The following XYLT1 variants were observed in gnomAD, a reference collection of about 807,000 sequenced individuals.
XYLT1 encodes xylosyltransferase 1.
A neutral mutation model predicts 91.3 loss-of-function variants in XYLT1; 36 were observed. The observed-to-expected ratio is 0.39, with a 90% CI of 0.30 to 0.52. XYLT1 has a LOEUF of 0.52. XYLT1 is among the 20% of genes least tolerant of loss of function. The pLI, the probability that XYLT1 is intolerant of heterozygous loss-of-function variation, is 0.68. For synonymous variants in XYLT1, 588 were observed against 532.0 expected, an observed-to-expected ratio of 1.11 and a Z score of -1.45; for missense variants, 1,242 against 1,284.5, an observed-to-expected ratio of 0.97 and a Z score of 0.51.
intron 2 of XYLT1, among the ~76,000 whole-genome samples, chr16:17,322,143 C>T (rs1213411468): frequency 2.6e-5 from 4 of 152,162 alleles, no homozygotes; most frequent in Admixed American, 6.5e-5. Context: ...ACTGTGTTTT[C>T]GCTTCATGCA....
chr16:17,203,437 CATTT>C (rs1347536313), intron 3 of XYLT1, among the ~76,000 whole-genome samples: 1 of 152,016 alleles, frequency 6.6e-6, no homozygotes, highest in African/African-American at 2.4e-5. Flanking sequence ...CCCATTTATC[CATTT>C]ATTTGTCCAT....
chr16:17,114,349 G>A (rs1200150299), intron 11 of XYLT1, among the ~76,000 whole-genome samples: 5 of 152,184 alleles, frequency 3.3e-5, no homozygotes, highest in South Asian at 4.1e-4. Flanking sequence ...TGTGATTAGC[G>A]GGCAGAAGGG....
intron 8 of XYLT1, among the ~76,000 whole-genome samples, chr16:17,134,951 A>T (rs1226364089): frequency 3.6e-5 from 5 of 139,726 alleles, no homozygotes; most frequent in Non-Finnish European, 8.2e-5. Context: ...AAGCAATGAT[A>T]GGCACTTAGT....
At chr16:17,357,768 C>T (rs931461954) in intron 2 of XYLT1, among the ~76,000 whole-genome samples, 2 of 152,336 alleles carry the variant, frequency 1.3e-5, no homozygotes, top group Admixed American at 6.5e-5. Context: ...TTATGGTTCT[C>T]GCCACAGGTG....
At chr16:17,158,808 G>C (rs1046747529) in intron 6 of XYLT1, 21 bp downstream of exon 6, 4 of 1,612,218 alleles carry the variant, frequency 2.5e-6, no homozygotes, top group South Asian at 1.1e-5. Context: ...TTTTGTACAG[G>C]GGTAGGGGTT....
chr16:17,302,824 G>C (rs549479648), intron 2 of XYLT1, among the ~76,000 whole-genome samples: 12 of 150,916 alleles, frequency 8.0e-5, no homozygotes, highest in African/African-American at 3.0e-4. Context: ...CACAATAACG[G>C]GTTACTCAAT....
chr16:17,447,452 G>A (rs1294174177), intron 1 of XYLT1, among the ~76,000 whole-genome samples: 3 of 152,192 alleles, frequency 2.0e-5, no homozygotes, highest in African/African-American at 4.8e-5. Flanking sequence ...TTTATAAAAC[G>A]CTTTAAGCTC....
At chr16:17,301,057 G>C (rs1038166805) in intron 2 of XYLT1, among the ~76,000 whole-genome samples, 6 of 152,042 alleles carry the variant, frequency 3.9e-5, no homozygotes, top group African/African-American at 1.2e-4. Context: ...ATTCTCAATA[G>C]GGATGACTGT....
rs1220226003 is a variant in XYLT1 at position 17,103,005 on chromosome 16, G to T, written c.*5690C>A. 6.6e-6 allele frequency: 1 copy of T among 152,238 alleles called. No individual in the cohort carries two copies. The highest frequency in any genetic ancestry group is 2.4e-5 in the African/African-American group (1 of 41,322). The allele number at this position is 152,238 out of a possible 1,614,324, so 9.4% of individuals were successfully genotyped here. A position where few individuals can be genotyped will look rare whatever the true frequency, so the allele number is the denominator to read the frequency against. ...ACAAAGACAATTGCGCACAATTCCA[G>T]TGAATTTCCTATGAAAACCCTGGGG... On this transcript the variant is annotated 3_prime_UTR_variant, in exon 12 of 12. Coordinates refer to ENST00000261381, the MANE Select transcript of XYLT1 (RefSeq NM_022166.4).
rs924384616 is a variant in XYLT1 at position 17,106,139 on chromosome 16, A to C, written c.*2556T>G. ...TTTCTCCACTTGTTCCAGGATAAAA[A>C]CAAAAAAAGGCAGACATGTTAGTGG... On this transcript the variant is annotated 3_prime_UTR_variant, in exon 12 of 12. Coordinates refer to ENST00000261381, the MANE Select transcript of XYLT1 (RefSeq NM_022166.4). 2 of 152,216 alleles carry C rather than the reference A, an allele frequency of 1.3e-5. No homozygotes were observed. Among genetic ancestry groups the C allele is most frequent in the East Asian group, 3.9e-4 (2 of 5,188 alleles). 9.4% of individuals were successfully genotyped at this position (152,216 alleles called of 1,614,324 possible).
chr16:17,326,949 A>G (rs968075344), intron 2 of XYLT1, among the ~76,000 whole-genome samples: 3 of 152,228 alleles, frequency 2.0e-5, no homozygotes, highest in African/African-American at 7.2e-5. Context: ...AGAGCCATGG[A>G]GCTGTGTGTG....
At chr16:17,135,723 A>G (rs1332695692) in intron 8 of XYLT1, among the ~76,000 whole-genome samples, 1 of 152,234 alleles carries the variant, frequency 6.6e-6, no homozygotes. Context: ...GTCAGGGTCC[A>G]GGGTTAAAGA....
In XYLT1 at chr16:17,276,726, G is replaced by A. The variant is rs1046094258; in HGVS notation, c.403-17228C>T. ...ATGCTACCAGGACACGATGGGCACC[G>A]TCCGATGAAGTTGTTATAAATGTAT... On this transcript the variant is annotated intron_variant, in intron 2 of 11. Coordinates refer to ENST00000261381, the MANE Select transcript of XYLT1 (RefSeq NM_022166.4). Among the ~76,000 whole-genome samples, 9 of 152,226 alleles carry A rather than the reference G, an allele frequency of 5.9e-5. No homozygotes were observed. In the South Asian group the frequency reaches 6.2e-4, roughly 11 times the overall value.
At chr16:17,461,544 G>A (rs1399248986) in intron 1 of XYLT1, among the ~76,000 whole-genome samples, 3 of 152,196 alleles carry the variant, frequency 2.0e-5, no homozygotes, top group South Asian at 2.1e-4. Flanking sequence ...TGAATGGATC[G>A]ATGGGTAAAT....
intron 6 of XYLT1, among the ~76,000 whole-genome samples, chr16:17,146,117 C>A (rs1173067269): frequency 6.6e-6 from 1 of 151,690 alleles, no homozygotes. Flanking sequence ...CACCGGGCTT[C>A]CCACAAATCC....
chr16:17,236,950 A>G (rs112604223), intron 3 of XYLT1, among the ~76,000 whole-genome samples: 3,401 of 152,274 alleles, frequency 0.022, 52 homozygotes, highest in Non-Finnish European at 0.033. Context: ...AATTCAACCT[A>G]TTTTGGGGGA....
intron 2 of XYLT1, among the ~76,000 whole-genome samples, chr16:17,319,070 G>A (rs1158948730): frequency 6.6e-6 from 1 of 152,092 alleles, no homozygotes; most frequent in Non-Finnish European, 1.5e-5. Flanking sequence ...TTACAAGCAT[G>A]AGCCACCATG....
rs571018337 is a variant in XYLT1 at position 17,172,752 on chromosome 16, C to T, written c.1290-13843G>A. Reference sequence around the variant, plus strand: ...CCTCCCAAAGTGCTGGGATAACAGGCGTGAGCCACCGCACCTGGCCGACTG... The same window carrying T: ...CCTCCCAAAGTGCTGGGATAACAGGTGTGAGCCACCGCACCTGGCCGACTG... On this transcript the variant is annotated intron_variant, in intron 5 of 11. Transcript: ENST00000261381. Among the ~76,000 whole-genome samples the T allele has an allele frequency of 1.8e-3, 276 of 152,268 alleles. 2 individuals carry two copies. The highest frequency in any genetic ancestry group is 6.3e-3 in the African/African-American group (263 of 41,558).
chr16:17,192,108 TTTTTTTTTA>T (rs2032323634), intron 5 of XYLT1, among the ~76,000 whole-genome samples: 1 of 134,556 alleles, frequency 7.4e-6, no homozygotes, highest in Non-Finnish European at 1.7e-5. Flanking sequence ...TTTTTTTTTT[TTTTTTTTTA>T]GATGGAGTTT....
Sources: gnomAD v4.1 joint callset for allele counts (sites outside exome capture counted in the v4.1 genomes callset) on GRCh38, gnomAD v4.1.1 for gene constraint, MANE v1.5 for transcripts, NCBI Gene and HGNC (gene_info 2026-07-23, HGNC 2026-07-21) for gene names.